The following EIF2B4 variants were observed in gnomAD, a reference collection of about 807,000 sequenced individuals.
The protein encoded by EIF2B4 is eukaryotic translation initiation factor 2B subunit delta, also known as translation initiation factor eIF2B subunit delta.
EIF2B4 carries 34 observed loss-of-function variants against 66.7 expected under a neutral mutation model. That is an observed-to-expected ratio of 0.51 (90% CI 0.39 to 0.68). The LOEUF (loss-of-function observed/expected upper bound fraction) is 0.68, where lower values mean the gene tolerates loss of function less well. Ranked by LOEUF, EIF2B4 falls within the 30% of genes least tolerant of loss-of-function variation. The pLI is 0.00. For missense variants in EIF2B4, 618 were observed against 657.9 expected (o/e 0.94, Z 0.66); for synonymous variants, 278 against 253.6 (o/e 1.10, Z -0.92).
intron 9 of EIF2B4, 114 bp from the exon 10 acceptor site, chr2:27,367,315 G>A (rs1435621450): frequency 6.3e-7 from 1 of 1,583,512 alleles, no homozygotes; most frequent in South Asian, 1.1e-5. Context: ...GCTCAGAGAT[G>A]GCACAAGTCA....
chr2:27,369,913 C>A lies in EIF2B4; in HGVS notation c.38G>T (p.Gly13Val), dbSNP rs1272220444. ...AVAVAVREDS[G>V]SGMKAELPPG... ...GGGAAGCTCCGCCTTCATCCCGGATCCCGAGTCTGCATCAGAAAACAGGGC... is the reference window on the plus strand; with the variant it reads ...GGGAAGCTCCGCCTTCATCCCGGATACCGAGTCTGCATCAGAAAACAGGGC... The change falls in exon 2 of 13, where the codon GGA becomes GTA. Residue 13 changes from glycine (G) to valine (V), a missense_variant. Gly to Val is a moderately radical substitution (Grantham distance 109). Coordinates refer to ENST00000347454, the MANE Select transcript of EIF2B4 (RefSeq NM_001034116.2). 2 of 1,583,250 alleles carry A rather than the reference C, an allele frequency of 1.3e-6. No individual in the cohort carries two copies. The highest frequency in any genetic ancestry group is 4.7e-5 in the East Asian group (2 of 42,912).
chr2:27,367,971 G>T, intron 7 of EIF2B4, 54 bp downstream of exon 7: 2 of 1,510,382 alleles, frequency 1.3e-6, no homozygotes, highest in Non-Finnish European at 1.8e-6. Context: ...AGAAGCTGGG[G>T]TAGTATTGGG....
intron 11 of EIF2B4, 159 bp from the exon 12 acceptor site, chr2:27,365,057 T>A: frequency 8.8e-5 from 29 of 328,596 alleles, no homozygotes; most frequent in Non-Finnish European, 1.3e-4. Flanking sequence ...TAATAAATCT[T>A]TTTTTTTTTT....
Position 27,364,448 on chromosome 2 carries a change from A to G in EIF2B4, c.1524T>C (p.Pro508=). The change falls in exon 13 of 13, where the codon CCT becomes CCC. Residue 508 remains proline (P), a synonymous_variant. Coordinates refer to ENST00000347454, the MANE Select transcript of EIF2B4 (RefSeq NM_001034116.2). ...GTAGAACAACAGGTACAGAACTGCA[A>G]GGGATCATCCCCAGCTCCGTGATCA... ...DLVITELGMI[P]CSSVPVVLRV... The G allele has an allele frequency of 6.2e-7, 1 of 1,614,174 alleles. No homozygotes were observed. The highest frequency in any genetic ancestry group is 8.5e-7 in the Non-Finnish European group (1 of 1,180,034).
intron 8 of EIF2B4, 92 bp downstream of exon 8, chr2:27,367,654 A>G: frequency 6.3e-7 from 1 of 1,590,744 alleles, no homozygotes; most frequent in Non-Finnish European, 8.6e-7. Flanking sequence ...AGAAAATAGA[A>G]CACAAAATGA....
chr2:27,365,535 C>G (rs1470479902), intron 11 of EIF2B4: 1 of 153,810 alleles, frequency 6.5e-6, no homozygotes, highest in Admixed American at 6.4e-5. Flanking sequence ...CACCACCACG[C>G]CCGGCTAATT....
rs113994031 is a variant in EIF2B4, at chr2:27,367,536, A to G, written c.806T>C (p.Leu269Pro). The change falls in exon 9 of 13, where the codon CTG (leucine) becomes CCG (proline). Residue 269 changes from leucine to proline, a missense_variant. Physicochemically the swap from Leu to Pro is moderately conservative, Grantham distance 98. Around this residue, in one of 4 missense-constraint regions of EIF2B4, gnomAD observed 506 missense variants for 511.9 expected, o/e 0.99. Coordinates refer to ENST00000347454, the MANE Select transcript of EIF2B4 (RefSeq NM_001034116.2). ...YMSFLTQCRP[L>P]SASMHNAIKF... ...GATGGCGTTGTGCATGCTCGCTGAC[A>G]GGGGACGGCACTGAGTCAGGAAGCT... The G allele has an allele frequency of 2.4e-5, 39 of 1,614,010 alleles. No individual in the cohort carries two copies. The highest frequency in any genetic ancestry group is 3.1e-5 in the Non-Finnish European group (36 of 1,180,002).
intron 4 of EIF2B4, 114 bp downstream of exon 4, chr2:27,368,892 C>A: frequency 6.8e-7 from 1 of 1,473,064 alleles, no homozygotes; most frequent in Non-Finnish European, 9.5e-7. Flanking sequence ...GTTGCAGGAA[C>A]AATTCAGAAC....
At chr2:27,367,429 T>C (rs763853754) in intron 9 of EIF2B4, 28 bp downstream of exon 9, 2 of 1,613,012 alleles carry the variant, frequency 1.2e-6, no homozygotes, top group South Asian at 2.2e-5. Context: ...CACAGGTGCA[T>C]GCCTTCCTTA....
intron 2 of EIF2B4, 83 bp from the exon 3 acceptor site, chr2:27,369,632 C>G (rs1682201506): frequency 6.2e-7 from 1 of 1,606,202 alleles, no homozygotes; most frequent in Admixed American, 1.7e-5. Context: ...AAGATTTCCA[C>G]ATGGTTAAAT....
rs777985531 is a variant in EIF2B4 at position 27,369,142 on chromosome 2, A to T, written c.282T>A (p.Gly94=). Residue 94 remains glycine (G), a synonymous_variant, in exon 4 of 13, where the codon GGT becomes GGA. Coordinates refer to ENST00000347454, the MANE Select transcript of EIF2B4 (RefSeq NM_001034116.2). ...LGTPREKVPA[G]RSKAELRAER... ...CAGCCCGAAGTTCGGCCTTACTCCG[A>T]CCAGCTGGAACTTTCTCCCGAGGAG... is the stretch of plus-strand genomic sequence containing the variant. 6.2e-7 allele frequency: 1 copy of T among 1,613,388 alleles called. No individual in the cohort carries two copies. Among genetic ancestry groups the T allele is most frequent in the African/African-American group, 1.3e-5 (1 of 74,692 alleles).
chr2:27,370,125 CG>C (rs1255586495), intron 1 of EIF2B4, 158 bp downstream of exon 1: 2 of 1,521,584 alleles, frequency 1.3e-6, no homozygotes, highest in Admixed American at 2.1e-5. Context: ...AGCAACCAGC[CG>C]GTGCGCGGCG....
Position 27,364,702 on chromosome 2 carries a change from T to C in EIF2B4, c.1372+16A>G, listed in dbSNP as rs902575286. 3.1e-6 allele frequency: 5 copies of C among 1,614,112 alleles called. No homozygotes were observed. The highest frequency in any genetic ancestry group is 4.2e-6 in the Non-Finnish European group (5 of 1,180,042). On this transcript the variant is annotated intron_variant, in intron 12 of 12. Transcript: ENST00000347454. Reference sequence around the variant, plus strand: ...GTCTTCACAGGTAGCTGGAGGCTTCTCTTTTGCCTCCTTACCTAGCTCATT... The same window carrying C: ...GTCTTCACAGGTAGCTGGAGGCTTCCCTTTTGCCTCCTTACCTAGCTCATT...
Position 27,366,890 on chromosome 2 carries a change from G to A in EIF2B4, c.1060C>T (p.Arg354Trp), listed in dbSNP as rs779319688. 14 of 1,614,048 alleles carry A rather than the reference G, an allele frequency of 8.7e-6. No individual in the cohort carries two copies. The highest frequency in any genetic ancestry group is 5.0e-5 in the Admixed American group (3 of 59,990). Residue 354 changes from arginine (R) to tryptophan (W), a missense_variant, in exon 11 of 13, where the codon CGG becomes TGG. Around this residue, in one of 4 missense-constraint regions of EIF2B4, gnomAD observed 506 missense variants for 511.9 expected, o/e 0.99. Transcript: ENST00000347454. ...RILQEAWTEG[R>W]RFRVVVVDSR... ...TCCACCACTACCACCCGAAACCGCC[G>A]GCCCTCTGTCCAAGCCTCCTGAAGA...
chr2:27,367,676 G>C (rs1681962228), intron 8 of EIF2B4, 70 bp downstream of exon 8: 1 of 1,586,556 alleles, frequency 6.3e-7, no homozygotes, highest in African/African-American at 1.3e-5. Context: ...AAGAGAGATA[G>C]AAAAGCAGGA....
At chr2:27,369,655 C>T (rs1203332812) in intron 2 of EIF2B4, 106 bp from the exon 3 acceptor site, 2 of 1,584,464 alleles carry the variant, frequency 1.3e-6, no homozygotes, top group East Asian at 4.5e-5. Flanking sequence ...CTAGTTCTTC[C>T]TAACTTCCAC....
Position 27,369,164 on chromosome 2 carries a change from G to T in EIF2B4, c.260C>A (p.Pro87His). The change falls in exon 4 of 13, where the codon CCT becomes CAT. Residue 87 changes from proline (P) to histidine (H), a missense_variant. This residue lies in a region of EIF2B4 where 506 missense variants were observed against 511.9 expected (regional missense o/e 0.99). Transcript: ENST00000347454. Reference sequence around the variant, plus strand: ...CCGACCAGCTGGAACTTTCTCCCGAGGAGTGCCCAACTGAATGCCCGATTC... The same window carrying T: ...CCGACCAGCTGGAACTTTCTCCCGATGAGTGCCCAACTGAATGCCCGATTC... ...LPESGIQLGT[P>H]REKVPAGRSK... is the part of the protein sequence containing the mutation. 1 of 1,613,426 alleles carries T rather than the reference G, an allele frequency of 6.2e-7. No homozygotes were observed. The highest frequency in any genetic ancestry group is 8.5e-7 in the Non-Finnish European group (1 of 1,179,986).
intron 11 of EIF2B4, chr2:27,366,481 C>A: frequency 2.2e-6 from 1 of 457,364 alleles, no homozygotes; most frequent in South Asian, 2.1e-5. Context: ...CCCAGGAGTT[C>A]CAGCCTGGGC....
In EIF2B4 at chr2:27,369,445, A is replaced by G; in HGVS notation, c.180T>C (p.Thr60=). The G allele has an allele frequency of 6.2e-7, 1 of 1,614,082 alleles. No homozygotes were observed. Among genetic ancestry groups the G allele is most frequent in the Non-Finnish European group, 8.5e-7 (1 of 1,180,018 alleles). The change falls in exon 3 of 13, where the codon ACT becomes ACC. Residue 60 remains threonine (T), a synonymous_variant. Transcript: ENST00000347454. ...ATTGGGCTGCAGATACAGCAGAGCC[A>G]GTCTCTGGTTCTGCCCCCTTTTCTT... ...RKEEKGAEPE[T]GSAVSAAQCQ...
Sources: gnomAD v4.1 joint callset for allele counts on GRCh38, gnomAD v4.1.1 for gene constraint, gnomAD v4.1.1 regional missense constraint, MANE v1.5 for transcripts, NCBI Gene and HGNC (gene_info 2026-07-23, HGNC 2026-07-21) for gene names.